The following DAB1 variants were observed in gnomAD, a reference collection of about 807,000 sequenced individuals.
DAB1 encodes DAB adaptor protein 1, also known as disabled homolog 1.
DAB1 carries 15 observed loss-of-function variants against 64.6 expected under a neutral mutation model. That is an observed-to-expected ratio of 0.23 (90% confidence interval 0.16 to 0.36). The LOEUF is 0.36. Among genes scored for constraint, DAB1 ranks in the 10% least tolerant of loss-of-function variants. The pLI is 1.00. For synonymous variants in DAB1, 235 were observed against 251.9 expected (o/e 0.93, Z 0.64); for missense variants, 596 against 706.7 (o/e 0.84, Z 1.78).
At chr1:57,441,220 T>A (rs1319332194) in intron 7 of DAB1, among the ~76,000 whole-genome samples, 2 of 152,168 alleles carry the variant, frequency 1.3e-5, no homozygotes, top group Non-Finnish European at 2.9e-5. Context: ...TTTATGTGCA[T>A]AGTATTTTAT....
At chr1:57,272,367 T>C (rs1178502361) in intron 2 of DAB1, among the ~76,000 whole-genome samples, 1 of 152,202 alleles carries the variant, frequency 6.6e-6, no homozygotes, top group Non-Finnish European at 1.5e-5. Flanking sequence ...GCAGGATGGA[T>C]GCGCATCCCA....
chr1:58,250,213 G>A (rs1660743341), intron 4 of DAB1, among the ~76,000 whole-genome samples: 1 of 152,202 alleles, frequency 6.6e-6, no homozygotes, highest in Admixed American at 6.5e-5. Context: ...TCACGCCGCG[G>A]CGGGCGGGCG....
rs561960053 is a variant in DAB1 at position 58,401,313 on chromosome 1, C to T, written n.258-57910G>A. ...CTCTGTTCAGTCCCTTCCAGTCATA[C>T]TGGCTTCTTTGCTGTCTCTCAGATG... On this transcript the variant is annotated intron_variant and non_coding_transcript_variant, in intron 3 of 20. Transcript: ENST00000485760. Among the ~76,000 whole-genome samples, 73 of 152,304 alleles carry T rather than the reference C, an allele frequency of 4.8e-4. 1 individual carries two copies. Among genetic ancestry groups the T allele is most frequent in the African/African-American group, 1.7e-3 (70 of 41,558 alleles).
At chr1:58,224,738 T>C (rs1380267710) in intron 4 of DAB1, among the ~76,000 whole-genome samples, 1 of 152,166 alleles carries the variant, frequency 6.6e-6, no homozygotes, top group African/African-American at 2.4e-5. Context: ...TAAATGGTGC[T>C]GGGAAAACTG....
intron 6 of DAB1, among the ~76,000 whole-genome samples, chr1:57,718,125 A>G (rs1244257822): frequency 6.6e-6 from 1 of 152,142 alleles, no homozygotes; most frequent in Non-Finnish European, 1.5e-5. Context: ...AATGTAGTGT[A>G]TATTTCAAGT....
chr1:57,897,090 T>G (rs1644402684), intron 5 of DAB1, among the ~76,000 whole-genome samples: 1 of 152,142 alleles, frequency 6.6e-6, no homozygotes, highest in South Asian at 2.1e-4. Context: ...AAGGTCTGCA[T>G]CTGTAAAAAA....
chr1:57,958,099 C>G (rs958918997), intron 5 of DAB1, among the ~76,000 whole-genome samples: 8 of 151,932 alleles, frequency 5.3e-5, no homozygotes, highest in Admixed American at 5.2e-4. Context: ...ATTCTCCTGC[C>G]TCAGCCTCCC....
At chr1:58,369,918 TA>T (rs1039920084) in intron 3 of DAB1, among the ~76,000 whole-genome samples, 1 of 152,200 alleles carries the variant, frequency 6.6e-6, no homozygotes, top group African/African-American at 2.4e-5. Context: ...TCAAGTACCA[TA>T]AAAAATATGG....
chr1:57,400,126 G>A (rs1431411189), intron 1 of DAB1, among the ~76,000 whole-genome samples: 1 of 152,108 alleles, frequency 6.6e-6, no homozygotes, highest in Non-Finnish European at 1.5e-5. Context: ...ACTTGGCAAC[G>A]CAAAGGGCTT....
intron 4 of DAB1, among the ~76,000 whole-genome samples, chr1:57,083,747 A>C (rs899467584): frequency 2.6e-5 from 4 of 152,182 alleles, no homozygotes; most frequent in Non-Finnish European, 5.9e-5. Flanking sequence ...AATGAGGTGG[A>C]TAGCAGGTGG....
chr1:57,950,865 T>C (rs996066861), intron 5 of DAB1, among the ~76,000 whole-genome samples: 5 of 152,228 alleles, frequency 3.3e-5, no homozygotes, highest in African/African-American at 7.2e-5. Context: ...TGTTCTGCCC[T>C]GTGGACTGAT....
chr1:57,592,288 C>T (rs1179442597), intron 7 of DAB1, among the ~76,000 whole-genome samples: 2 of 152,160 alleles, frequency 1.3e-5, no homozygotes, highest in Admixed American at 6.5e-5. Context: ...ATGTGACACA[C>T]AGGATTTTAA....
intron 7 of DAB1, among the ~76,000 whole-genome samples, chr1:57,545,603 A>T (rs988253188): frequency 6.6e-6 from 1 of 152,196 alleles, no homozygotes; most frequent in Admixed American, 6.5e-5. Context: ...ATCATGTATG[A>T]TACCCACTGA....
At chr1:57,162,833 C>T (rs189572790) in intron 2 of DAB1, among the ~76,000 whole-genome samples, 5 of 152,274 alleles carry the variant, frequency 3.3e-5, no homozygotes, top group Admixed American at 3.3e-4. Flanking sequence ...ATGAAGAAAA[C>T]AGAGAGTGCA....
intron 7 of DAB1, among the ~76,000 whole-genome samples, chr1:57,579,345 T>C (rs953027855): frequency 1.2e-4 from 19 of 152,176 alleles, no homozygotes; most frequent in Non-Finnish European, 7.3e-5. Context: ...GTTCAAATCT[T>C]ACCCTATCAC....
chr1:57,301,423 A>C (rs581886), intron 1 of DAB1, among the ~76,000 whole-genome samples: 81,620 of 151,960 alleles, frequency 0.54, 22,941 homozygotes, highest in African/African-American at 0.68. Context: ...TGAGGGGAGG[A>C]AGGCTTACTG....
At chr1:57,403,639 T>G (rs11207029) in intron 1 of DAB1, among the ~76,000 whole-genome samples, 54,914 of 151,838 alleles carry the variant, frequency 0.36, 10,447 homozygotes, top group Non-Finnish European at 0.43. Context: ...AAAGGAAAAA[T>G]ACAGTATCTT....
chr1:58,111,797 C>T (rs967662914), intron 5 of DAB1, among the ~76,000 whole-genome samples: 1 of 152,122 alleles, frequency 6.6e-6, no homozygotes, highest in African/African-American at 2.4e-5. Flanking sequence ...TCTCTCTCAG[C>T]TCTGAACTGC....
At chr1:58,398,438 C>A (rs559341278) in intron 3 of DAB1, among the ~76,000 whole-genome samples, 2 of 152,206 alleles carry the variant, frequency 1.3e-5, no homozygotes, top group Non-Finnish European at 1.5e-5. Context: ...AGGCTCCATG[C>A]CCGTCCAAGC....
Sources: gnomAD v4.1 joint callset for allele counts (sites outside exome capture counted in the v4.1 genomes callset) on GRCh38, gnomAD v4.1.1 for gene constraint, MANE v1.5 for transcripts, NCBI Gene and HGNC (gene_info 2026-07-23, HGNC 2026-07-21) for gene names.